The following CDH18 variants were observed in gnomAD, a reference collection of about 807,000 sequenced individuals.
CDH18 encodes the protein cadherin-18.
In CDH18, 31 loss-of-function variants were observed where a neutral mutation model predicts 67.9. The observed-to-expected ratio is 0.46, with a 90% CI of 0.34 to 0.62. CDH18 has a LOEUF of 0.62. CDH18 is among the 20% of genes least tolerant of loss of function. The probability of loss-of-function intolerance (pLI) is 0.01; values close to 1 mark genes in which losing one functional copy is unlikely to be tolerated. For missense variants in CDH18, 890 were observed against 975.5 expected, an observed-to-expected ratio of 0.91 and a Z score of 1.17; for synonymous variants, 362 against 347.2, an observed-to-expected ratio of 1.04 and a Z score of -0.48.
chr5:20,087,612 A>G (rs1278344787), intron 2 of CDH18, among the ~76,000 whole-genome samples: 1 of 152,196 alleles, frequency 6.6e-6, no homozygotes, highest in Non-Finnish European at 1.5e-5. Flanking sequence ...CCCCATCAGG[A>G]AAAAAGATTA....
chr5:19,930,497 G>T lies in CDH18; in HGVS notation c.-257+50563C>A, dbSNP rs569450175. Among the ~76,000 whole-genome samples, 73 of 152,036 alleles carry T rather than the reference G, an allele frequency of 4.8e-4. 2 individuals carry two copies. The highest frequency in any genetic ancestry group is 4.7e-3 in the Admixed American group (72 of 15,238). On this transcript the variant is annotated intron_variant, in intron 2 of 12. Transcript: ENST00000382275. Reference sequence around the variant, plus strand: ...GGAAGTGTGAAAAACAACAGAGAAGGCTCTCCTATATTTTCCACAGTAGCA... The same window carrying T: ...GGAAGTGTGAAAAACAACAGAGAAGTCTCTCCTATATTTTCCACAGTAGCA...
intron 10 of CDH18, among the ~76,000 whole-genome samples, chr5:19,507,766 G>A (rs1042952955): frequency 2.6e-4 from 39 of 152,126 alleles, no homozygotes; most frequent in Non-Finnish European, 7.3e-5. Flanking sequence ...GGGTTGGGAG[G>A]AGGGGCGAGG....
chr5:19,691,560 T>C (rs1761893552), intron 5 of CDH18, among the ~76,000 whole-genome samples: 2 of 151,826 alleles, frequency 1.3e-5, no homozygotes, highest in African/African-American at 4.8e-5. Context: ...AAACTCAACA[T>C]ACAAATAAAC....
chr5:19,646,295 G>T (rs1290541605), intron 5 of CDH18, among the ~76,000 whole-genome samples: 1 of 151,826 alleles, frequency 6.6e-6, no homozygotes, highest in Non-Finnish European at 1.5e-5. Flanking sequence ...AGAAAAAAGT[G>T]CATTTAAAAA....
At chr5:19,730,433 A>ATC (rs1344697028) in intron 4 of CDH18, among the ~76,000 whole-genome samples, 1 of 152,234 alleles carries the variant, frequency 6.6e-6, no homozygotes. Context: ...CAAGTTGAAT[A>ATC]TCTCTTATGC....
At chr5:20,181,618 CAT>C (rs893320786) in intron 2 of CDH18, among the ~76,000 whole-genome samples, 3 of 152,216 alleles carry the variant, frequency 2.0e-5, no homozygotes, top group Admixed American at 1.3e-4. Flanking sequence ...TACGCAGTAA[CAT>C]AGATACAGTT....
At chr5:19,679,769 A>ATTTT (rs1255427178) in intron 5 of CDH18, among the ~76,000 whole-genome samples, 1 of 151,918 alleles carries the variant, frequency 6.6e-6, no homozygotes, top group Non-Finnish European at 1.5e-5. Flanking sequence ...GAACTATAAA[A>ATTTT]TACTGCTGAA....
intron 1 of CDH18, among the ~76,000 whole-genome samples, chr5:20,502,423 C>A (rs1019210543): frequency 9.2e-5 from 14 of 152,096 alleles, no homozygotes; most frequent in Non-Finnish European, 1.8e-4. Flanking sequence ...TAATGAAACC[C>A]AGTGCTCTCA....
At chr5:20,043,095 T>C (rs1018596312) in intron 2 of CDH18, among the ~76,000 whole-genome samples, 6 of 152,114 alleles carry the variant, frequency 3.9e-5, no homozygotes, top group Admixed American at 1.3e-4. Context: ...GCCCTATGTA[T>C]TGGGGGATGT....
At chr5:19,839,845 T>TA (rs970937943) in intron 2 of CDH18, among the ~76,000 whole-genome samples, 23 of 152,120 alleles carry the variant, frequency 1.5e-4, no homozygotes, top group Non-Finnish European at 3.2e-4. Flanking sequence ...GTTTGGGAAT[T>TA]ACATTACTAG....
intron 4 of CDH18, among the ~76,000 whole-genome samples, chr5:19,740,277 C>T (rs1284235433): frequency 6.6e-6 from 1 of 151,824 alleles, no homozygotes; most frequent in Non-Finnish European, 1.5e-5. Flanking sequence ...CATTTTCATA[C>T]AGAAATATTT....
At position 20,519,942 on chromosome 5, in the gene CDH18, C is replaced by CTTTTTTTTT. The variant is rs777265512; in HGVS notation, c.-580+55511_-580+55519dup. Among the ~76,000 whole-genome samples the CTTTTTTTTT allele has an allele frequency of 4.3e-3, 179 of 41,680 alleles. 44 individuals carry two copies. Among genetic ancestry groups the CTTTTTTTTT allele is most frequent in the Non-Finnish European group, 5.4e-3 (120 of 22,186 alleles). The allele number at this position is 41,680 out of a possible 152,430, so 27.3% of individuals were successfully genotyped here. On this transcript the variant is annotated intron_variant, in intron 1 of 14. Coordinates refer to the CDH18 transcript ENST00000507958. ...AGGCTGGAGTACAACACAGTCTTGG[C>CTTTTTTTTT]TTTTTTTTTTTTTTTTTTTTTTTTT...
intron 2 of CDH18, among the ~76,000 whole-genome samples, chr5:19,886,842 T>C (rs1579433785): frequency 6.6e-6 from 1 of 152,330 alleles, no homozygotes; most frequent in East Asian, 1.9e-4. Flanking sequence ...AATTATGTCA[T>C]ATGATATACT....
intron 2 of CDH18, among the ~76,000 whole-genome samples, chr5:20,063,419 A>G (rs535143925): frequency 1.3e-5 from 2 of 152,198 alleles, no homozygotes; most frequent in East Asian, 1.9e-4. Flanking sequence ...TTCACTGTGT[A>G]TGCATTATTT....
chr5:19,806,369 C>A (rs1778031681), intron 3 of CDH18, among the ~76,000 whole-genome samples: 1 of 152,128 alleles, frequency 6.6e-6, no homozygotes, highest in Non-Finnish European at 1.5e-5. Context: ...CATATTTTAT[C>A]AATGTAATCT....
intron 1 of CDH18, among the ~76,000 whole-genome samples, chr5:20,440,825 A>C (rs1749552017): frequency 6.6e-6 from 1 of 152,032 alleles, no homozygotes; most frequent in African/African-American, 2.4e-5. Context: ...TGTCTTGCAG[A>C]CAAAACAATG....
intron 11 of CDH18, among the ~76,000 whole-genome samples, chr5:19,496,727 G>A (rs1251906077): frequency 2.0e-5 from 3 of 146,416 alleles, no homozygotes; most frequent in Non-Finnish European, 4.5e-5. Context: ...TAGGAGAATC[G>A]CTTGAACCTG....
At chr5:20,571,578 T>C (rs890813336) in intron 1 of CDH18, among the ~76,000 whole-genome samples, 1 of 152,150 alleles carries the variant, frequency 6.6e-6, no homozygotes, top group East Asian at 1.9e-4. Context: ...GTATATTGTA[T>C]ATGCTAGTTG....
chr5:20,378,331 C>G (rs970045285), intron 1 of CDH18, among the ~76,000 whole-genome samples: 3 of 152,012 alleles, frequency 2.0e-5, no homozygotes, highest in Non-Finnish European at 4.4e-5. Context: ...ACCACCACGC[C>G]CAGCTAATTT....
Sources: allele counts gnomAD v4.1 joint callset (sites outside exome capture counted in the v4.1 genomes callset), GRCh38; gene constraint gnomAD v4.1.1; transcripts MANE v1.5; gene names NCBI Gene and HGNC (gene_info 2026-07-23, HGNC 2026-07-21).